ITPR2: variants seen among roughly 807,000 people sequenced by gnomAD.
ITPR2 encodes inositol 1,4,5-trisphosphate receptor type 2.
In ITPR2, 207 loss-of-function variants were observed where a neutral mutation model predicts 317.1. The ratio of observed to expected loss-of-function variants is 0.65; its 90% CI spans 0.58 to 0.73. The LOEUF (loss-of-function observed/expected upper bound fraction) is 0.73. Among genes scored for constraint, ITPR2 ranks in the 30% least tolerant of loss-of-function variants. ITPR2 has a pLI of 0.00. For missense variants in ITPR2, 2,613 were observed against 3,284.0 expected (o/e 0.80, Z 4.99); for synonymous variants, 1,156 against 1,149.1 (o/e 1.01, Z -0.12).
At chr12:26,472,790 C>CT (rs1329778396) in intron 45 of ITPR2, among the ~76,000 whole-genome samples, 1 of 152,116 alleles carries the variant, frequency 6.6e-6, no homozygotes, top group African/African-American at 2.4e-5. Flanking sequence ...CTGAGCACTG[C>CT]TTGCATTCTT....
intron 37 of ITPR2, among the ~76,000 whole-genome samples, chr12:26,505,784 A>G (rs1943169833): frequency 6.6e-6 from 1 of 152,152 alleles, no homozygotes; most frequent in Non-Finnish European, 1.5e-5. Context: ...GACTGAATGT[A>G]TGAATCAATG....
intron 37 of ITPR2, among the ~76,000 whole-genome samples, chr12:26,499,739 C>G (rs1943029648): frequency 6.6e-6 from 1 of 152,094 alleles, no homozygotes; most frequent in African/African-American, 2.4e-5. Flanking sequence ...AAATAAATTT[C>G]CAGTATATTA....
rs141238546 is a variant in ITPR2 at position 26,442,957 on chromosome 12, A to C, written c.6450+586T>G. On this transcript the variant is annotated intron_variant, in intron 46 of 56. Coordinates refer to ENST00000381340, the MANE Select transcript of ITPR2 (RefSeq NM_002223.4). ...ATACCATAGCTAGTAAATGACAGCC[A>C]GATGGGTCTCAGAACACATAATGGT... is the stretch of plus-strand genomic sequence containing the variant. Among the ~76,000 whole-genome samples, 53 of 152,308 alleles carry C rather than the reference A, an allele frequency of 3.5e-4. No homozygotes were observed. The East Asian group carries it at 9.2e-3, about 27-fold the overall frequency.
rs541387983 is a variant in ITPR2 at position 26,832,979 on chromosome 12, A to C, written c.-198T>G. The C allele has an allele frequency of 6.4e-5, 34 of 530,108 alleles. No individual in the cohort carries two copies. In the African/African-American group the frequency reaches 7.0e-4, roughly 11 times the overall value. 32.8% of individuals were successfully genotyped at this position (530,108 alleles called of 1,614,324 possible). ...CGCCGGGGAAGCCAGACCGGGGCCA[A>C]GCCGCAGCTGCGGACACCCCGCGAA... On this transcript the variant is annotated 5_prime_UTR_variant, in exon 1 of 57. Coordinates refer to ENST00000381340, the MANE Select transcript of ITPR2 (RefSeq NM_002223.4).
intron 19 of ITPR2, 119 bp downstream of exon 19, chr12:26,656,178 A>G: frequency 7.7e-7 from 1 of 1,305,124 alleles, no homozygotes; most frequent in Non-Finnish European, 1.1e-6. Flanking sequence ...TTAGAAGATT[A>G]ACAACCCAAG....
At chr12:26,663,615 G>A in intron 15 of ITPR2, 70 bp downstream of exon 15, 2 of 1,358,476 alleles carry the variant, frequency 1.5e-6, no homozygotes, top group Non-Finnish European at 2.0e-6. Context: ...CTATGCTGTA[G>A]AATTATAACC....
intron 9 of ITPR2, among the ~76,000 whole-genome samples, chr12:26,704,625 C>T (rs978988364): frequency 6.7e-6 from 1 of 148,970 alleles, no homozygotes; most frequent in East Asian, 1.9e-4. Context: ...AAACACTACT[C>T]TGCATTTTCT....
chr12:26,562,301 T>C (rs1375411356), intron 34 of ITPR2, among the ~76,000 whole-genome samples: 1 of 152,190 alleles, frequency 6.6e-6, no homozygotes, highest in Non-Finnish European at 1.5e-5. Flanking sequence ...AAACACACGA[T>C]ATAATTCTTC....
chr12:26,498,061 C>G (rs1942986626), intron 37 of ITPR2, among the ~76,000 whole-genome samples: 1 of 152,172 alleles, frequency 6.6e-6, no homozygotes, highest in African/African-American at 2.4e-5. Flanking sequence ...AATAGACACT[C>G]AGAGTGTCTG....
intron 7 of ITPR2, 36 bp downstream of exon 7, chr12:26,715,716 T>C: frequency 1.5e-6 from 2 of 1,323,464 alleles, no homozygotes; most frequent in South Asian, 2.5e-5. Context: ...CTACCATCAT[T>C]TCTCCCAGCA....
intron 2 of ITPR2, among the ~76,000 whole-genome samples, chr12:26,726,873 A>C (rs1451609411): frequency 1.3e-5 from 2 of 152,208 alleles, no homozygotes; most frequent in Non-Finnish European, 2.9e-5. Context: ...ATGTAGGAAA[A>C]ACAAGACAAT....
chr12:26,663,894 G>T, intron 14 of ITPR2, 48 bp from the exon 15 acceptor site: 3 of 1,478,532 alleles, frequency 2.0e-6, no homozygotes, highest in South Asian at 1.3e-5. Flanking sequence ...AAAATGTTTT[G>T]CAACCTTTTT....
At chr12:26,760,784 C>T (rs1023235063) in intron 2 of ITPR2, among the ~76,000 whole-genome samples, 1 of 152,118 alleles carries the variant, frequency 6.6e-6, no homozygotes, top group African/African-American at 2.4e-5. Context: ...AAAACACATT[C>T]CCTGAGATGA....
chr12:26,383,871 C>T (rs1462135008), intron 55 of ITPR2, among the ~76,000 whole-genome samples: 5 of 152,076 alleles, frequency 3.3e-5, no homozygotes, highest in Non-Finnish European at 7.4e-5. Flanking sequence ...ATCAGATTTA[C>T]ATAAACAGTG....
chr12:26,635,218 C>T (rs1946840987), intron 21 of ITPR2, among the ~76,000 whole-genome samples: 1 of 152,198 alleles, frequency 6.6e-6, no homozygotes, highest in African/African-American at 2.4e-5. Flanking sequence ...AATAATTTTA[C>T]TGTGGTGATC....
rs11048517 is a variant in ITPR2, at chr12:26,435,065, C to T, written c.6769+1156G>A. ...ATTGCTTAATATTCTTCTTTTATTA[C>T]GGGTATGCCTTCCAAAAACAGTGGT... On this transcript the variant is annotated intron_variant, in intron 48 of 56. Transcript: ENST00000381340. Among the ~76,000 whole-genome samples, 956 of 152,212 alleles carry T rather than the reference C, an allele frequency of 6.3e-3. 5 individuals carry two copies. The highest frequency in any genetic ancestry group is 0.011 in the Non-Finnish European group (743 of 67,984).
At chr12:26,715,171 G>T in intron 8 of ITPR2, 128 bp downstream of exon 8, 1 of 816,410 alleles carries the variant, frequency 1.2e-6, no homozygotes, top group Admixed American at 2.7e-5. Context: ...GGCACAAGTT[G>T]GTTCACAAAA....
At chr12:26,676,693 A>C (rs1459576386) in intron 13 of ITPR2, among the ~76,000 whole-genome samples, 2 of 152,008 alleles carry the variant, frequency 1.3e-5, no homozygotes, top group African/African-American at 4.8e-5. Flanking sequence ...TAAAAAATAT[A>C]ATTAATCACT....
At chr12:26,725,563 A>G in intron 3 of ITPR2, 87 bp downstream of exon 3, 2 of 858,108 alleles carry the variant, frequency 2.3e-6, no homozygotes, top group South Asian at 3.1e-5. Flanking sequence ...TTTGGGTGAA[A>G]GGACAAAGCT....
Sources: allele counts gnomAD v4.1 joint callset (sites outside exome capture counted in the v4.1 genomes callset), GRCh38; gene constraint gnomAD v4.1.1; transcripts MANE v1.5; gene names NCBI Gene and HGNC (gene_info 2026-07-23, HGNC 2026-07-21).